The following LINGO2 variants were observed in gnomAD, a reference collection of about 807,000 sequenced individuals.
LINGO2 encodes leucine-rich repeat and immunoglobulin-like domain-containing nogo receptor-interacting protein 2.
Under a neutral mutation model 30.6 loss-of-function variants are expected in LINGO2, and 14 were observed. The ratio of observed to expected loss-of-function variants is 0.46; its 90% CI spans 0.30 to 0.72. The LOEUF is 0.72. LINGO2 is among the 30% of genes least tolerant of loss of function. The pLI, the probability that LINGO2 is intolerant of heterozygous loss-of-function variation, is 0.07. For synonymous variants in LINGO2, 317 were observed against 288.5 expected, an observed-to-expected ratio of 1.10 and a Z score of -1.00; for missense variants, 729 against 751.7, an observed-to-expected ratio of 0.97 and a Z score of 0.35.
the LINGO2 span, among the ~76,000 whole-genome samples, chr9:28,953,620 A>C: frequency 6.6e-6 from 1 of 152,244 alleles, no homozygotes; most frequent in South Asian, 2.1e-4. Context: ...AGCCTTATTC[A>C]ATCTGCATTC....
chr9:28,780,830 A>ATGTG, the LINGO2 span, among the ~76,000 whole-genome samples: 5,800 of 127,380 alleles, frequency 0.046, 221 homozygotes, highest in East Asian at 0.13. Flanking sequence ...CTTGGTAGTA[A>ATGTG]TGTGTGTGTG....
chr9:28,866,370 G>A, the LINGO2 span, among the ~76,000 whole-genome samples: 297 of 152,018 alleles, frequency 2.0e-3, no homozygotes, highest in African/African-American at 6.4e-3. Context: ...GTTAATAACC[G>A]TGCATCAGTT....
chr9:28,556,450 G>T (rs1204413843), intron 1 of LINGO2, among the ~76,000 whole-genome samples: 1 of 152,002 alleles, frequency 6.6e-6, no homozygotes, highest in Admixed American at 6.5e-5. Flanking sequence ...GGATGTGAAG[G>T]ACCTCTTCAA....
the LINGO2 span, among the ~76,000 whole-genome samples, chr9:28,973,763 C>G: frequency 1.3e-5 from 2 of 152,096 alleles, no homozygotes. Flanking sequence ...TGGAGGAAAG[C>G]CACTTTTACC....
intron 4 of LINGO2, among the ~76,000 whole-genome samples, chr9:28,274,897 A>C (rs1201836314): frequency 6.6e-6 from 1 of 152,188 alleles, no homozygotes; most frequent in Non-Finnish European, 1.5e-5. Flanking sequence ...CTTTAGCACA[A>C]TCTCTAAAAC....
chr9:28,180,920 A>T (rs1828893709), intron 4 of LINGO2, among the ~76,000 whole-genome samples: 1 of 152,180 alleles, frequency 6.6e-6, no homozygotes, highest in Middle Eastern at 3.2e-3. Context: ...TCACATAGTC[A>T]AATTGATAAC....
chr9:29,090,806 T>C, the LINGO2 span, among the ~76,000 whole-genome samples: 1 of 152,008 alleles, frequency 6.6e-6, no homozygotes, highest in Non-Finnish European at 1.5e-5. Flanking sequence ...TTACTCAATG[T>C]CACTAGATTA....
intron 1 of LINGO2, among the ~76,000 whole-genome samples, chr9:28,590,505 A>C (rs1214077443): frequency 6.6e-6 from 1 of 152,202 alleles, no homozygotes; most frequent in Non-Finnish European, 1.5e-5. Context: ...AAGGATATGA[A>C]CAGACACTTC....
chr9:28,060,411 A>G (rs370199620), intron 4 of LINGO2, among the ~76,000 whole-genome samples: 101 of 152,308 alleles, frequency 6.6e-4, no homozygotes, highest in African/African-American at 2.3e-3. Flanking sequence ...ATGTGCCAGT[A>G]CTTTTGTAAG....
At chr9:28,372,746 C>G (rs2383768) in intron 3 of LINGO2, 90 bp downstream of exon 5, 119,568 of 152,488 alleles carry the variant, frequency 0.78, 48,106 homozygotes, top group Middle Eastern at 0.9. Context: ...TTCCACATTG[C>G]AGTCATAAAC....
At chr9:28,218,166 T>G in intron 4 of LINGO2, among the ~76,000 whole-genome samples, 1 of 141,468 alleles carries the variant, frequency 7.1e-6, no homozygotes, top group Non-Finnish European at 1.5e-5. Flanking sequence ...CAAATAATAC[T>G]AAATATAGTA....
the LINGO2 span, among the ~76,000 whole-genome samples, chr9:28,835,574 T>C: frequency 6.6e-6 from 1 of 152,174 alleles, no homozygotes; most frequent in Non-Finnish European, 1.5e-5. Context: ...ATCCTAGTGG[T>C]TTTGACCAAC....
At chr9:29,012,776 C>T in the LINGO2 span, among the ~76,000 whole-genome samples, 1 of 152,078 alleles carries the variant, frequency 6.6e-6, no homozygotes, top group South Asian at 2.1e-4. Context: ...TGTCACAAAA[C>T]ATCTACTTTT....
chr9:28,027,837 C>A (rs1036140406), intron 4 of LINGO2, among the ~76,000 whole-genome samples: 1 of 152,088 alleles, frequency 6.6e-6, no homozygotes, highest in Non-Finnish European at 1.5e-5. Flanking sequence ...GGTAGTGATG[C>A]TCTTGGATTA....
In LINGO2 at chr9:28,410,190, A is replaced by AG. The variant is rs541855449; in HGVS notation, c.-278-37323dup. Among the ~76,000 whole-genome samples the AG allele has an allele frequency of 3.4e-3, 510 of 152,104 alleles. 3 individuals are homozygous for AG. Among genetic ancestry groups the AG allele is most frequent in the African/African-American group, 0.012 (490 of 41,544 alleles). ...AAGAGAAAGAGGAAAGGAAAGGGAA[A>AG]GGAAAGGAAGAAATAGAGGTTATAA... is the stretch of plus-strand genomic sequence containing the variant. On this transcript the variant is annotated intron_variant, in intron 2 of 5. Coordinates refer to ENST00000379992, the Ensembl canonical transcript of LINGO2.
At chr9:28,577,994 A>C (rs1399127231) in intron 1 of LINGO2, among the ~76,000 whole-genome samples, 6 of 152,138 alleles carry the variant, frequency 3.9e-5, no homozygotes, top group African/African-American at 1.4e-4. Context: ...CTCTCTTCTG[A>C]TGATGGAGAA....
At chr9:29,011,709 A>C in the LINGO2 span, among the ~76,000 whole-genome samples, 2 of 152,182 alleles carry the variant, frequency 1.3e-5, no homozygotes, top group African/African-American at 4.8e-5. Flanking sequence ...CTACATTGAC[A>C]TACTATGTTT....
At chr9:28,896,413 T>C in the LINGO2 span, among the ~76,000 whole-genome samples, 4 of 152,260 alleles carry the variant, frequency 2.6e-5, no homozygotes, top group South Asian at 8.3e-4. Flanking sequence ...ATGAATTTTA[T>C]CATACGTATC....
chr9:28,460,620 C>T (rs1825040279), intron 2 of LINGO2, among the ~76,000 whole-genome samples: 1 of 152,024 alleles, frequency 6.6e-6, no homozygotes, highest in Non-Finnish European at 1.5e-5. Flanking sequence ...GAAAATCTTC[C>T]TGGTGTGTAA....
Sources: gnomAD v4.1 joint callset for allele counts (sites outside exome capture counted in the v4.1 genomes callset) on GRCh38, gnomAD v4.1.1 for gene constraint, MANE v1.5 for transcripts, NCBI Gene and HGNC (gene_info 2026-07-23, HGNC 2026-07-21) for gene names.